The following ADAMTSL1 variants were observed in gnomAD, a reference collection of about 807,000 sequenced individuals.
ADAMTSL1 encodes the protein ADAMTS-like protein 1.
Under a neutral mutation model 201.8 loss-of-function variants are expected in ADAMTSL1, and 126 were observed. The ratio of observed to expected loss-of-function variants is 0.62; its 90% CI spans 0.54 to 0.72. ADAMTSL1 has a LOEUF of 0.72. Ranked by LOEUF, ADAMTSL1 falls within the 30% of genes least tolerant of loss-of-function variation. The probability of loss-of-function intolerance (pLI) is 0.00; values close to 1 mark genes in which losing one functional copy is unlikely to be tolerated. For synonymous variants in ADAMTSL1, 1,121 were observed against 903.4 expected (o/e 1.24, Z -4.32); for missense variants, 2,679 against 2,277.8 (o/e 1.18, Z -3.59).
chr9:18,042,860 C>T (rs1821487862), intron 1 of ADAMTSL1, among the ~76,000 whole-genome samples: 3 of 152,072 alleles, frequency 2.0e-5, no homozygotes, highest in African/African-American at 7.2e-5. Flanking sequence ...GAGATGACAT[C>T]CTCCCAAGTT....
At chr9:18,220,086 T>C (rs1830199683) in intron 2 of ADAMTSL1, among the ~76,000 whole-genome samples, 1 of 152,168 alleles carries the variant, frequency 6.6e-6, no homozygotes, top group Non-Finnish European at 1.5e-5. Context: ...TACCATTAAA[T>C]AGTTGTTTTC....
At chr9:17,963,410 A>T (rs1414829235) in intron 1 of ADAMTSL1, among the ~76,000 whole-genome samples, 1 of 152,222 alleles carries the variant, frequency 6.6e-6, no homozygotes, top group Non-Finnish European at 1.5e-5. Context: ...GTCATTCAGG[A>T]TGACATTTTA....
At chr9:18,723,848 C>T (rs1564183649) in intron 15 of ADAMTSL1, 1 of 152,240 alleles carries the variant, frequency 6.6e-6, no homozygotes, top group African/African-American at 2.4e-5. Context: ...ACTCTGATGT[C>T]AGAGAAAAAT....
At chr9:18,221,133 A>G (rs1830242868) in intron 2 of ADAMTSL1, among the ~76,000 whole-genome samples, 1 of 152,174 alleles carries the variant, frequency 6.6e-6, no homozygotes, top group Non-Finnish European at 1.5e-5. Context: ...ATTAGTAGAT[A>G]TCATGCCTTC....
intron 4 of ADAMTSL1, among the ~76,000 whole-genome samples, chr9:18,574,904 G>A (rs1176056851): frequency 6.6e-6 from 1 of 152,152 alleles, no homozygotes; most frequent in African/African-American, 2.4e-5. Flanking sequence ...GGGTTTGTAT[G>A]TTTGTCATGT....
chr9:18,030,705 C>G (rs984738176), intron 1 of ADAMTSL1, among the ~76,000 whole-genome samples: 6 of 151,854 alleles, frequency 4.0e-5, no homozygotes, highest in Non-Finnish European at 7.4e-5. Flanking sequence ...GAGAATTGAC[C>G]TCTCTAGTAA....
chr9:18,785,442 A>C lies in ADAMTSL1; in HGVS notation c.3677+7536A>C, dbSNP rs544622894. On this transcript the variant is annotated intron_variant, in intron 19 of 28. Coordinates refer to ENST00000380548, the MANE Select transcript of ADAMTSL1 (RefSeq NM_001040272.6). ...GCTACCTTTATATATACACATGTGT[A>C]TGCAAATATGCACTAAATTAGGCAC... 1.4e-3 allele frequency among the ~76,000 whole-genome samples: 212 copies of C among 152,352 alleles called. 1 individual carries two copies. The highest frequency in any genetic ancestry group is 5.1e-3 in the African/African-American group (210 of 41,582).
intron 23 of ADAMTSL1, among the ~76,000 whole-genome samples, chr9:18,857,563 C>T (rs780398647): frequency 6.6e-6 from 1 of 152,184 alleles, no homozygotes; most frequent in African/African-American, 2.4e-5. Flanking sequence ...CACCCAATCA[C>T]ATGATTATGA....
chr9:18,488,693 T>C (rs1822119077), intron 1 of ADAMTSL1, among the ~76,000 whole-genome samples: 1 of 152,136 alleles, frequency 6.6e-6, no homozygotes, highest in East Asian at 1.9e-4. Context: ...AGGTAGCAGG[T>C]GCCCAATAAA....
intron 23 of ADAMTSL1, among the ~76,000 whole-genome samples, chr9:18,881,307 A>T (rs1474694021): frequency 6.6e-6 from 1 of 152,174 alleles, no homozygotes; most frequent in African/African-American, 2.4e-5. Context: ...CACTAAGCTT[A>T]ATCATTTCTA....
chr9:18,716,513 A>T (rs1055211056), intron 14 of ADAMTSL1, among the ~76,000 whole-genome samples: 5 of 151,860 alleles, frequency 3.3e-5, no homozygotes, highest in African/African-American at 1.2e-4. Context: ...GCCATCAGAG[A>T]AATGCAAATC....
chr9:18,301,617 T>C (rs1833713609), intron 2 of ADAMTSL1, among the ~76,000 whole-genome samples: 1 of 152,162 alleles, frequency 6.6e-6, no homozygotes, highest in South Asian at 2.1e-4. Flanking sequence ...TCTCTCAAAA[T>C]CTTATTGTAC....
At chr9:18,433,388 A>G (rs1397643914) in intron 2 of ADAMTSL1, among the ~76,000 whole-genome samples, 1 of 152,092 alleles carries the variant, frequency 6.6e-6, no homozygotes, top group East Asian at 1.9e-4. Context: ...TCAGGCCTAG[A>G]TTGGATAATT....
chr9:18,223,258 A>G (rs896504505), intron 2 of ADAMTSL1, among the ~76,000 whole-genome samples: 3 of 152,086 alleles, frequency 2.0e-5, no homozygotes, highest in South Asian at 2.1e-4. Flanking sequence ...TCTTTGGTCA[A>G]TTTCAGATTT....
intron 9 of ADAMTSL1, among the ~76,000 whole-genome samples, chr9:18,669,538 T>A (rs1319237757): frequency 6.6e-6 from 1 of 152,214 alleles, no homozygotes; most frequent in Non-Finnish European, 1.5e-5. Flanking sequence ...GCTGCTTAGT[T>A]TATGGTTTTT....
chr9:18,695,363 C>A (rs762069917), intron 13 of ADAMTSL1, among the ~76,000 whole-genome samples: 18 of 152,190 alleles, frequency 1.2e-4, no homozygotes, highest in Non-Finnish European at 2.2e-4. Flanking sequence ...AGCTTGAATT[C>A]CTCTCCAGAA....
rs541700407 is a variant in ADAMTSL1, at chr9:18,309,680, G to A, written c.207+145699G>A. On this transcript the variant is annotated intron_variant, in intron 2 of 29. Transcript: ENST00000680146. ...TAAAAACCACTGCTCAACAAAATAA[G>A]AGAGGACACAAACAAATAGAAAAGC... 6.6e-5 allele frequency among the ~76,000 whole-genome samples: 10 copies of A among 151,976 alleles called. No homozygotes were observed. In the South Asian group the frequency reaches 1.3e-3, roughly 19 times the overall value.
chr9:18,316,928 C>A (rs964505429), intron 2 of ADAMTSL1, among the ~76,000 whole-genome samples: 6 of 152,150 alleles, frequency 3.9e-5, no homozygotes, highest in African/African-American at 1.4e-4. Flanking sequence ...ATCTACACCT[C>A]CATATTTATT....
At chr9:18,178,921 TG>T (rs1364563916) in intron 2 of ADAMTSL1, among the ~76,000 whole-genome samples, 1 of 151,534 alleles carries the variant, frequency 6.6e-6, no homozygotes, top group African/African-American at 2.4e-5. Flanking sequence ...ACCACAAAGA[TG>T]GGGAAAAAAC....
Sources: allele counts gnomAD v4.1 joint callset (sites outside exome capture counted in the v4.1 genomes callset), GRCh38; gene constraint gnomAD v4.1.1; transcripts MANE v1.5; gene names NCBI Gene and HGNC (gene_info 2026-07-23, HGNC 2026-07-21).